Variants in RBFOX1 observed in about 807,000 individuals in gnomAD.
RBFOX1 encodes RNA binding protein fox-1 homolog 1.
In RBFOX1, 8 loss-of-function variants were observed where a neutral mutation model predicts 57.7. The observed-to-expected ratio is 0.14, with a 90% confidence interval of 0.08 to 0.25. RBFOX1 has a LOEUF of 0.25. Among genes scored for constraint, RBFOX1 ranks in the 10% least tolerant of loss-of-function variants. The pLI is 1.00. For synonymous variants in RBFOX1, 326 were observed against 222.4 expected, an observed-to-expected ratio of 1.47 and a Z score of -4.15; for missense variants, 611 against 548.5, an observed-to-expected ratio of 1.11 and a Z score of -1.14.
chr16:6,524,352 T>G (rs1261421854), intron 2 of RBFOX1, among the ~76,000 whole-genome samples: 1 of 152,246 alleles, frequency 6.6e-6, no homozygotes, highest in African/African-American at 2.4e-5. Flanking sequence ...TGAATAGTAC[T>G]CCATTGTGTG....
chr16:7,634,111 G>A (rs760094162), intron 11 of RBFOX1, among the ~76,000 whole-genome samples: 1 of 152,168 alleles, frequency 6.6e-6, no homozygotes, highest in African/African-American at 2.4e-5. Flanking sequence ...TCTCTGATGG[G>A]TGCAGACTTT....
At chr16:7,492,173 C>G (rs1226105316) in intron 4 of RBFOX1, among the ~76,000 whole-genome samples, 1 of 152,166 alleles carries the variant, frequency 6.6e-6, no homozygotes, top group African/African-American at 2.4e-5. Flanking sequence ...ATTTGGAATT[C>G]CCAACATAAC....
chr16:7,513,282 A>ATAAAAG (rs141848734), intron 4 of RBFOX1, among the ~76,000 whole-genome samples: 1 of 18,386 alleles, frequency 5.4e-5, no homozygotes, highest in African/African-American at 1.2e-4. Flanking sequence ...AAAAATAAAA[A>ATAAAAG]TAATGAATGA....
chr16:6,210,469 C>G (rs1473429114), intron 1 of RBFOX1, among the ~76,000 whole-genome samples: 2 of 151,458 alleles, frequency 1.3e-5, no homozygotes, highest in Admixed American at 1.3e-4. Flanking sequence ...GTGGCTCACT[C>G]CTATAATCCC....
chr16:5,978,350 A>T (rs996989795), intron 4 of RBFOX1, among the ~76,000 whole-genome samples: 2 of 151,942 alleles, frequency 1.3e-5, no homozygotes, highest in Non-Finnish European at 2.9e-5. Flanking sequence ...TAAAAAAAAT[A>T]AGCTTTGTAT....
At chr16:7,426,619 C>T (rs577467437) in intron 4 of RBFOX1, among the ~76,000 whole-genome samples, 19 of 152,246 alleles carry the variant, frequency 1.2e-4, no homozygotes, top group Non-Finnish European at 2.4e-4. Context: ...ATTAGGCGCA[C>T]GCTGTGCTGC....
chr16:7,680,749 G>GAGTT (rs2074517740), intron 14 of RBFOX1, among the ~76,000 whole-genome samples: 1 of 152,162 alleles, frequency 6.6e-6, no homozygotes, highest in African/African-American at 2.4e-5. Flanking sequence ...TGCTAATGTA[G>GAGTT]AGTTAGAAAT....
At chr16:7,609,279 A>C (rs533042553) in intron 10 of RBFOX1, among the ~76,000 whole-genome samples, 1 of 152,106 alleles carries the variant, frequency 6.6e-6, no homozygotes, top group East Asian at 1.9e-4. Flanking sequence ...GGAGAGGGCA[A>C]AATGCATTTT....
intron 4 of RBFOX1, among the ~76,000 whole-genome samples, chr16:7,128,860 C>T (rs1211495937): frequency 2.2e-5 from 3 of 139,076 alleles, no homozygotes; most frequent in Admixed American, 7.8e-5. Flanking sequence ...CTCACTTTGT[C>T]GCCAGGCTGG....
At chr16:5,711,403 AACCATTCAGGATACC>A (rs1357477395) in intron 3 of RBFOX1, among the ~76,000 whole-genome samples, 3 of 152,200 alleles carry the variant, frequency 2.0e-5, no homozygotes, top group Non-Finnish European at 4.4e-5. Flanking sequence ...TCATGTCCTT[AACCATTCAGGATACC>A]ACCTTTCAGC....
intron 4 of RBFOX1, among the ~76,000 whole-genome samples, chr16:7,095,480 A>G (rs987909772): frequency 6.6e-6 from 1 of 152,150 alleles, no homozygotes; most frequent in East Asian, 1.9e-4. Context: ...AAATGAAAAC[A>G]TGCTTAATTT....
In RBFOX1 at chr16:7,427,443, C is replaced by G. The variant is rs61686293; in HGVS notation, c.28-90704C>G. Among the ~76,000 whole-genome samples the G allele has an allele frequency of 1.1e-4, 17 of 152,074 alleles. 1 individual carries two copies. The East Asian group carries it at 2.7e-3, about 24-fold the overall frequency. ...GGCTTGGTTTTGCAAAAATGCGAAACGTACCAAATGTACCCTCCGGTGACT... is the reference window on the plus strand; with the variant it reads ...GGCTTGGTTTTGCAAAAATGCGAAAGGTACCAAATGTACCCTCCGGTGACT... On this transcript the variant is annotated intron_variant, in intron 4 of 15. Transcript: ENST00000550418.
At chr16:5,429,396 T>G (rs1302935569) in intron 1 of RBFOX1, among the ~76,000 whole-genome samples, 1 of 152,132 alleles carries the variant, frequency 6.6e-6, no homozygotes, top group Admixed American at 6.5e-5. Context: ...TAGGCGGGAC[T>G]CGGGGGAGAG....
intron 1 of RBFOX1, among the ~76,000 whole-genome samples, chr16:6,064,578 G>A (rs144391184): frequency 6.6e-6 from 1 of 151,820 alleles, no homozygotes; most frequent in East Asian, 1.9e-4. Flanking sequence ...GTGTCGCTCT[G>A]TCACCAGGCT....
chr16:5,424,975 TTTC>T (rs2067494117), intron 1 of RBFOX1, among the ~76,000 whole-genome samples: 1 of 23,130 alleles, frequency 4.3e-5, no homozygotes, highest in African/African-American at 3.1e-4. Flanking sequence ...TCTTTCTTTC[TTTC>T]TTTTCTTTTC....
intron 2 of RBFOX1, among the ~76,000 whole-genome samples, chr16:5,492,293 C>A (rs537392644): frequency 6.6e-6 from 1 of 152,152 alleles, no homozygotes; most frequent in South Asian, 2.1e-4. Context: ...TCTAAATAAC[C>A]TTTTCAGGCC....
At chr16:5,251,535 C>T (rs537790014) in intron 1 of RBFOX1, among the ~76,000 whole-genome samples, 1 of 152,282 alleles carries the variant, frequency 6.6e-6, no homozygotes, top group South Asian at 2.1e-4. Flanking sequence ...GAGACTGGGG[C>T]AATGGCAGCA....
At chr16:5,402,276 C>G (rs572902152) in intron 1 of RBFOX1, among the ~76,000 whole-genome samples, 3 of 152,284 alleles carry the variant, frequency 2.0e-5, no homozygotes, top group South Asian at 2.1e-4. Flanking sequence ...GAGCTCTCCT[C>G]CTCGCCTCTA....
intron 4 of RBFOX1, among the ~76,000 whole-genome samples, chr16:5,867,572 G>C (rs935311646): frequency 6.6e-6 from 1 of 152,142 alleles, no homozygotes; most frequent in Admixed American, 6.5e-5. Context: ...TTCAGCGTCT[G>C]TTTCTTGACA....
Sources: allele counts gnomAD v4.1 joint callset (sites outside exome capture counted in the v4.1 genomes callset), GRCh38; gene constraint gnomAD v4.1.1; transcripts MANE v1.5; gene names NCBI Gene and HGNC (gene_info 2026-07-23, HGNC 2026-07-21).